The following NECAB3 variants were observed in gnomAD, a reference collection of about 807,000 sequenced individuals.
NECAB3 encodes N-terminal EF-hand calcium-binding protein 3.
A neutral mutation model predicts 57.2 loss-of-function variants in NECAB3; 38 were observed. The observed-to-expected ratio is 0.66, with a 90% confidence interval of 0.51 to 0.87. The LOEUF (loss-of-function observed/expected upper bound fraction) is 0.87, where lower values mean the gene tolerates loss of function less well. Among genes scored for constraint, NECAB3 ranks in the 40% least tolerant of loss-of-function variants. The probability of loss-of-function intolerance (pLI) is 0.00; values close to 1 mark genes in which losing one functional copy is unlikely to be tolerated. For missense variants in NECAB3, 474 were observed against 527.5 expected (o/e 0.90, Z 0.99); for synonymous variants, 223 against 222.6 (o/e 1.00, Z -0.02).
At chr20:33,664,141 C>G (rs1033406594) in intron 5 of NECAB3, 1 of 429,850 alleles carries the variant, frequency 2.3e-6, no homozygotes, top group African/African-American at 2.1e-5. Context: ...CACTCCAAAT[C>G]CAGGTCACAT....
rs1225038562 is a variant in NECAB3, at chr20:33,660,567, C to T, written c.388-172G>A. On this transcript the variant is annotated intron_variant, in intron 5 of 11. Transcript: ENST00000246190. This position sits in a 1 kb window ranked among gnomAD's most constrained non-coding sequence, Gnocchi z 4.1. The stretch of plus-strand genomic sequence containing the variant: ...CCTGATGGGCAGGGAGGGTCTGGAT[C>T]CCTCCTTGTCCGGGACTGGCCTCCC... Among the ~76,000 whole-genome samples the T allele has an allele frequency of 2.0e-5, 3 of 152,142 alleles. No homozygotes were observed. Among genetic ancestry groups the T allele is most frequent in the Admixed American group, 2.0e-4 (3 of 15,280 alleles).
intron 5 of NECAB3, chr20:33,663,552 C>T (rs756215436): frequency 1.1e-5 from 17 of 1,610,864 alleles, no homozygotes; most frequent in Admixed American, 5.0e-5. Flanking sequence ...TGCTGATTCT[C>T]CCCCTGGACA....
chr20:33,660,165 C>T lies in NECAB3; in HGVS notation c.524+94G>A. The T allele has an allele frequency of 6.5e-7, 1 of 1,542,232 alleles. No homozygotes were observed. The highest frequency in any genetic ancestry group is 8.7e-7 in the Non-Finnish European group (1 of 1,143,998). ...GCCATGGCTTCCCCGCCCGAAAATG[C>T]AGGCTCCAGGATGCTGGGACTGTGG... On this transcript the variant is annotated intron_variant, in intron 6 of 11. Coordinates refer to ENST00000246190, the MANE Select transcript of NECAB3 (RefSeq NM_031232.4). The surrounding 1 kb of genome is among the most constrained non-coding windows in gnomAD (Gnocchi z 4.1).
In NECAB3 at chr20:33,668,272, GGACA is replaced by G. The variant is rs774222765; in HGVS notation, c.387+1099_387+1102del. 8 of 1,545,114 alleles carry G rather than the reference GGACA, an allele frequency of 5.2e-6. No homozygotes were observed. In the South Asian group the frequency reaches 9.8e-5, roughly 19 times the overall value. Reference sequence around the variant, plus strand: ...CTGGGGGGGGTGGCACTGCGTTGGGGGACAGCTCTCTATCTAAAGAGTCAAGTGT... The same window carrying G: ...CTGGGGGGGGTGGCACTGCGTTGGGGGCTCTCTATCTAAAGAGTCAAGTGT... On this transcript the variant is annotated intron_variant, in intron 5 of 11. Coordinates refer to ENST00000246190, the MANE Select transcript of NECAB3 (RefSeq NM_031232.4).
At chr20:33,674,487 C>A (rs1366401554), upstream of NECAB3, 1 of 810,348 alleles carries the variant, frequency 1.2e-6, no homozygotes, top group Non-Finnish European at 1.5e-6. Flanking sequence ...GCCCCGCCCC[C>A]GCGGACGCCG....
intron 1 of NECAB3, among the ~76,000 whole-genome samples, chr20:33,673,788 G>A (rs1054109551): frequency 2.0e-5 from 3 of 152,158 alleles, no homozygotes; most frequent in African/African-American, 7.2e-5. Context: ...GGGTGACTCT[G>A]AGCAGCCCTT....
At chr20:33,661,830 T>C (rs2122472433) in intron 5 of NECAB3, among the ~76,000 whole-genome samples, 1 of 152,316 alleles carries the variant, frequency 6.6e-6, no homozygotes, top group South Asian at 2.1e-4. Context: ...TTTGTATTTT[T>C]AGTAGAGACG....
intron 5 of NECAB3, chr20:33,667,498 A>G: frequency 1.3e-6 from 2 of 1,491,558 alleles, no homozygotes; most frequent in Non-Finnish European, 1.8e-6. Flanking sequence ...CGCGTGCCAC[A>G]TGGCTAGCAC....
At chr20:33,669,562 A>C in intron 4 of NECAB3, 90 bp from the exon 5 acceptor site, 1 of 1,554,480 alleles carries the variant, frequency 6.4e-7, no homozygotes, top group South Asian at 1.2e-5. Context: ...CTCAGCAGCC[A>C]AGCAGGCCTT....
At chr20:33,662,559 T>A in intron 5 of NECAB3, 1 of 1,437,660 alleles carries the variant, frequency 7.0e-7, no homozygotes, top group African/African-American at 1.4e-5. Context: ...ATGCTGGGAG[T>A]CTAGGCCTTG....
chr20:33,670,306 C>G, intron 3 of NECAB3: 1 of 208,948 alleles, frequency 4.8e-6, no homozygotes, highest in Non-Finnish European at 9.6e-6. Flanking sequence ...CGTGCACACT[C>G]CTGCCAAGAC....
intron 1 of NECAB3, among the ~76,000 whole-genome samples, chr20:33,672,666 G>A (rs1234005495): frequency 6.6e-6 from 1 of 152,214 alleles, no homozygotes; most frequent in Non-Finnish European, 1.5e-5. Flanking sequence ...CTGGCCTCGT[G>A]GGGGGTGCTC....
chr20:33,672,484 C>T (rs1342660223), intron 1 of NECAB3, 62 bp from the exon 2 acceptor site: 3 of 1,603,420 alleles, frequency 1.9e-6, no homozygotes, highest in South Asian at 1.1e-5. Context: ...GAGGCCCCCA[C>T]TCAACCCGAC....
intron 5 of NECAB3, chr20:33,663,681 G>A (rs907114759): frequency 4.4e-6 from 7 of 1,587,994 alleles, no homozygotes; most frequent in Admixed American, 3.5e-5. Context: ...GCGAGCCGAG[G>A]ATGCCGGTAC....
chr20:33,663,894 AAG>A, intron 5 of NECAB3: 1 of 1,373,162 alleles, frequency 7.3e-7, no homozygotes, highest in Non-Finnish European at 9.3e-7. Flanking sequence ...CCGCCCAATA[AAG>A]AGTGCGTGGC....
At position 33,672,431 on chromosome 20, in the gene NECAB3, C is replaced by T. The variant is rs1287198779; in HGVS notation, c.130-9G>A. On this transcript the variant is annotated splice_polypyrimidine_tract_variant and intron_variant, in intron 1 of 11. Coordinates refer to ENST00000246190, the MANE Select transcript of NECAB3 (RefSeq NM_031232.4). ...TCTGCTCTGCGGAAAACCTAGAGGA[C>T]AAAGGGACATAGAGAGAACTGTGAG... The T allele has an allele frequency of 5.6e-6, 9 of 1,614,040 alleles. No homozygotes were observed. Among genetic ancestry groups the T allele is most frequent in the Non-Finnish European group, 6.8e-6 (8 of 1,180,026 alleles).
At position 33,669,719 on chromosome 20, in the gene NECAB3, G is replaced by C; in HGVS notation, c.264-7C>G. 6.3e-7 allele frequency: 1 copy of C among 1,592,590 alleles called. No homozygotes were observed. Among genetic ancestry groups the C allele is most frequent in the Non-Finnish European group, 8.6e-7 (1 of 1,169,308 alleles). ...TTTTTCTGTTTCTAAATTGCTGCAG[G>C]GAAAAGAGAAGGCGCCCTTCAGACC... On this transcript the variant is annotated splice_polypyrimidine_tract_variant and splice_region_variant and intron_variant, in intron 3 of 11. Coordinates refer to ENST00000246190, the MANE Select transcript of NECAB3 (RefSeq NM_031232.4).
rs1385197642 is a variant in NECAB3 at position 33,660,901 on chromosome 20, G to A, written c.388-506C>T. ...GGAGCTGCTGATAAAAGACAATCAG[G>A]TTGCCATTCTCACTCAGACACACAC... is the stretch of plus-strand genomic sequence containing the variant. On this transcript the variant is annotated intron_variant, in intron 5 of 11. Coordinates refer to ENST00000246190, the MANE Select transcript of NECAB3 (RefSeq NM_031232.4). This position sits in a 1 kb window ranked among gnomAD's most constrained non-coding sequence, Gnocchi z 4.1. 6.6e-6 allele frequency among the ~76,000 whole-genome samples: 1 copy of A among 152,068 alleles called. No individual in the cohort carries two copies. The highest frequency in any genetic ancestry group is 6.5e-5 in the Admixed American group (1 of 15,278).
chr20:33,663,744 G>A (rs765328646), intron 5 of NECAB3: 34 of 1,520,078 alleles, frequency 2.2e-5, no homozygotes, highest in Non-Finnish European at 2.7e-5. Flanking sequence ...GCGGGGCCAG[G>A]GCAGCTCTGA....
Sources: gnomAD v4.1 joint callset for allele counts (sites outside exome capture counted in the v4.1 genomes callset) on GRCh38, gnomAD v4.1.1 for gene constraint, Gnocchi (gnomAD v3.1) non-coding constraint, MANE v1.5 for transcripts, NCBI Gene and HGNC (gene_info 2026-07-23, HGNC 2026-07-21) for gene names.